Variants in CSMD3 observed in about 807,000 individuals in gnomAD.
The protein encoded by CSMD3 is CUB and Sushi multiple domains 3, also known as CUB and sushi domain-containing protein 3.
CSMD3 carries 177 observed loss-of-function variants against 435.2 expected under a neutral mutation model. The observed-to-expected ratio is 0.41, with a 90% CI of 0.36 to 0.46. The LOEUF (loss-of-function observed/expected upper bound fraction) is 0.46. CSMD3 is among the 20% of genes least tolerant of loss of function. The pLI, the probability that CSMD3 is intolerant of heterozygous loss-of-function variation, is 0.34. For missense variants in CSMD3, 4,265 were observed against 4,504.6 expected (o/e 0.95, Z 1.52); for synonymous variants, 1,656 against 1,520.5 (o/e 1.09, Z -2.07).
chr8:112,783,124 C>A (rs1465478934), intron 13 of CSMD3, among the ~76,000 whole-genome samples: 1 of 151,816 alleles, frequency 6.6e-6, no homozygotes, highest in Non-Finnish European at 1.5e-5. Flanking sequence ...AAACTAATAA[C>A]TACAACAAAT....
intron 5 of CSMD3, among the ~76,000 whole-genome samples, chr8:113,092,505 C>T (rs1165170504): frequency 6.6e-6 from 1 of 152,004 alleles, no homozygotes; most frequent in East Asian, 1.9e-4. Context: ...TCCCCTGAGT[C>T]CCTAACAGCC....
At chr8:113,200,822 C>T (rs2092708977) in intron 3 of CSMD3, among the ~76,000 whole-genome samples, 1 of 151,594 alleles carries the variant, frequency 6.6e-6, no homozygotes. Context: ...AATTACTGAA[C>T]AGGATATTTG....
chr8:112,638,196 T>C (rs990725956), intron 21 of CSMD3, among the ~76,000 whole-genome samples: 1 of 147,654 alleles, frequency 6.8e-6, no homozygotes, highest in East Asian at 1.9e-4. Context: ...TTATTAATTA[T>C]ATATATAATT....
chr8:112,518,649 A>AGG (rs1273040966), intron 27 of CSMD3, among the ~76,000 whole-genome samples: 2 of 151,644 alleles, frequency 1.3e-5, no homozygotes, highest in South Asian at 4.2e-4. Flanking sequence ...AGAGAGAGAG[A>AGG]GAGAGAGGGA....
intron 32 of CSMD3, among the ~76,000 whole-genome samples, chr8:112,448,286 A>G (rs1374433557): frequency 6.6e-6 from 1 of 152,150 alleles, no homozygotes; most frequent in Non-Finnish European, 1.5e-5. Context: ...TTATGGCCTC[A>G]TTAAACCTTA....
chr8:112,242,623 A>G (rs1814277512), intron 65 of CSMD3, among the ~76,000 whole-genome samples: 1 of 152,082 alleles, frequency 6.6e-6, no homozygotes, highest in Non-Finnish European at 1.5e-5. Flanking sequence ...ATCTAAGGAG[A>G]TTACTAGATC....
chr8:113,387,077 G>A (rs1421185387), intron 1 of CSMD3, among the ~76,000 whole-genome samples: 1 of 151,660 alleles, frequency 6.6e-6, no homozygotes, highest in Non-Finnish European at 1.5e-5. Flanking sequence ...CCATCCTGTT[G>A]CCTCTTAAAA....
At chr8:112,736,832 AG>A (rs2077195379) in intron 13 of CSMD3, among the ~76,000 whole-genome samples, 1 of 152,000 alleles carries the variant, frequency 6.6e-6, no homozygotes, top group African/African-American at 2.4e-5. Context: ...TATTTTTCTT[AG>A]GGAACAATGG....
intron 27 of CSMD3, among the ~76,000 whole-genome samples, chr8:112,534,322 T>C (rs1159236827): frequency 6.6e-6 from 1 of 151,654 alleles, no homozygotes; most frequent in Admixed American, 6.6e-5. Context: ...ACAGACACAA[T>C]AAAAAATGAT....
intron 53 of CSMD3, among the ~76,000 whole-genome samples, chr8:112,300,839 A>G (rs1165164314): frequency 6.6e-6 from 1 of 152,172 alleles, no homozygotes; most frequent in Non-Finnish European, 1.5e-5. Flanking sequence ...TTGTATTTCT[A>G]TGAATATTTT....
chr8:113,019,710 G>C (rs17660742), intron 5 of CSMD3, among the ~76,000 whole-genome samples: 64,620 of 151,626 alleles, frequency 0.43, 14,576 homozygotes, highest in East Asian at 0.78. Context: ...TTTCCAGAGT[G>C]AGACTGTACA....
intron 5 of CSMD3, among the ~76,000 whole-genome samples, chr8:113,078,668 T>C (rs1178971256): frequency 6.6e-6 from 1 of 152,192 alleles, no homozygotes; most frequent in East Asian, 1.9e-4. Flanking sequence ...TTAATGAAGG[T>C]AGAAATCTTC....
intron 38 of CSMD3, among the ~76,000 whole-genome samples, chr8:112,355,746 CG>C (rs1826536844): frequency 6.6e-6 from 1 of 151,760 alleles, no homozygotes; most frequent in Admixed American, 6.6e-5. Context: ...GGCAGGAGAA[CG>C]GCATGAACCC....
intron 6 of CSMD3, among the ~76,000 whole-genome samples, chr8:113,005,410 G>A (rs1236219651): frequency 6.6e-6 from 1 of 151,742 alleles, no homozygotes; most frequent in East Asian, 1.9e-4. Context: ...AGAATCAAAA[G>A]TATTTGATTC....
chr8:112,533,442 C>T (rs955063703), intron 27 of CSMD3, among the ~76,000 whole-genome samples: 6 of 151,260 alleles, frequency 4.0e-5, no homozygotes, highest in Non-Finnish European at 8.9e-5. Flanking sequence ...TTTATGCAAA[C>T]GGAAACCAAA....
chr8:113,413,099 T>C (rs1178761927), intron 1 of CSMD3, among the ~76,000 whole-genome samples: 2 of 152,186 alleles, frequency 1.3e-5, no homozygotes, highest in African/African-American at 2.4e-5. Flanking sequence ...AATAGATCTT[T>C]GGCCAACTTT....
intron 45 of CSMD3, among the ~76,000 whole-genome samples, chr8:112,326,982 G>A (rs1480604462): frequency 6.6e-6 from 1 of 151,954 alleles, no homozygotes; most frequent in African/African-American, 2.4e-5. Context: ...AGCTTGTGCC[G>A]CTGCACTCCA....
At chr8:113,395,372 C>T (rs914857137) in intron 1 of CSMD3, among the ~76,000 whole-genome samples, 1 of 152,066 alleles carries the variant, frequency 6.6e-6, no homozygotes, top group African/African-American at 2.4e-5. Flanking sequence ...CTTTGGGAGG[C>T]TGAGGCGGGC....
chr8:112,590,404 T>C (rs892601372), intron 22 of CSMD3, among the ~76,000 whole-genome samples: 1 of 150,852 alleles, frequency 6.6e-6, no homozygotes, highest in Non-Finnish European at 1.5e-5. Flanking sequence ...AAAAGAATAT[T>C]CCAAACAGAA....
Sources: gnomAD v4.1 joint callset for allele counts (sites outside exome capture counted in the v4.1 genomes callset) on GRCh38, gnomAD v4.1.1 for gene constraint, MANE v1.5 for transcripts, NCBI Gene and HGNC (gene_info 2026-07-23, HGNC 2026-07-21) for gene names.